Variants in USP26 observed in about 807,000 individuals in gnomAD.
The protein encoded by USP26 is ubiquitin specific peptidase 26.
For synonymous variants in USP26, 236 were observed against 240.6 expected (o/e 0.98, Z 0.18); for missense variants, 649 against 642.3 (o/e 1.01, Z -0.11).
At chrX:133,067,229 A>G (rs1408892698) in intron 5 of USP26, among the ~76,000 whole-genome samples, 3 of 112,663 alleles carry the variant, frequency 2.7e-5, no homozygotes, top group Non-Finnish European at 5.6e-5. Flanking sequence ...TAAACAACAG[A>G]TGCTGGCAAG....
At chrX:133,058,300 T>C (rs1158228343) in intron 5 of USP26, among the ~76,000 whole-genome samples, 1 of 111,089 alleles carries the variant, frequency 9.0e-6, no homozygotes, top group Non-Finnish European at 1.9e-5. Flanking sequence ...TTAGATCAAG[T>C]TGATTTATGG....
intron 5 of USP26, among the ~76,000 whole-genome samples, chrX:133,040,078 T>C (rs755013166): frequency 1.8e-5 from 2 of 111,840 alleles, no homozygotes; most frequent in Non-Finnish European, 3.8e-5. Flanking sequence ...TTCGAGCCTA[T>C]GTGTGTCTTT....
intron 5 of USP26, among the ~76,000 whole-genome samples, chrX:133,059,263 C>T (rs1264981932): frequency 9.0e-6 from 1 of 111,396 alleles, no homozygotes; most frequent in Admixed American, 9.6e-5. Flanking sequence ...TTGAGTCTCT[C>T]TCAATCATTT....
At chrX:133,061,704 G>A (rs2067494650) in intron 5 of USP26, among the ~76,000 whole-genome samples, 1 of 111,836 alleles carries the variant, frequency 8.9e-6, no homozygotes, top group African/African-American at 3.2e-5. Flanking sequence ...AGGAGCTGGG[G>A]GGCCTCCCTT....
chrX:133,063,140 T>C (rs766771473), intron 5 of USP26, among the ~76,000 whole-genome samples: 1 of 110,601 alleles, frequency 9.0e-6, no homozygotes, highest in Non-Finnish European at 1.9e-5. Flanking sequence ...AGATTGATGA[T>C]CGACTTACTG....
At chrX:133,044,432 T>C (rs971471217) in intron 5 of USP26, among the ~76,000 whole-genome samples, 11 of 112,741 alleles carry the variant, frequency 9.8e-5, no homozygotes, top group Non-Finnish European at 1.7e-4. Flanking sequence ...CCAGCTAGAG[T>C]TCCGGGTGGG....
chrX:133,090,929 A>C (rs1180546531), intron 2 of USP26, among the ~76,000 whole-genome samples, 166 bp from the exon 3 acceptor site: 1 of 112,454 alleles, frequency 8.9e-6, no homozygotes, highest in Admixed American at 9.5e-5. Flanking sequence ...CTTAGCATGC[A>C]AACCCCAAAT....
At position 133,025,996 on chromosome X, in the gene USP26, C is replaced by T. The variant is rs1650671888; in HGVS notation, c.2225G>A (p.Cys742Tyr). Reference protein sequence around the residue: ...FQKVSEQTQQCDGMRICEQAP... With the variant: ...FQKVSEQTQQYDGMRICEQAP... ...TTGTTCACAGATTCTCATACCGTCA[C>T]ACTGCTGAGTCTGTTCAGACACTTT... The change falls in exon 6 of 6, where the codon TGT (cysteine) becomes TAT (tyrosine). Residue 742 changes from cysteine (C) to tyrosine (Y), a missense_variant. Coordinates refer to ENST00000511190, the MANE Select transcript of USP26 (RefSeq NM_031907.3). The T allele has an allele frequency of 1.7e-6, 2 of 1,208,549 alleles. No individual in the cohort carries two copies. The highest frequency in any genetic ancestry group is 2.2e-6 in the Non-Finnish European group (2 of 894,300).
chrX:133,087,464 A>C (rs1470705623), intron 4 of USP26, among the ~76,000 whole-genome samples: 1 of 112,162 alleles, frequency 8.9e-6, no homozygotes, highest in African/African-American at 3.2e-5. Context: ...CATCTCTTCC[A>C]AAATCTGCAT....
intron 5 of USP26, among the ~76,000 whole-genome samples, chrX:133,062,580 G>T (rs769987958): frequency 1.6e-3 from 180 of 111,925 alleles, no homozygotes; most frequent in African/African-American, 5.5e-3. Context: ...AGCAATCTTT[G>T]CTATTCTGTA....
intron 5 of USP26, among the ~76,000 whole-genome samples, chrX:133,064,222 C>G (rs1018479207): frequency 7.1e-5 from 8 of 111,916 alleles, no homozygotes; most frequent in Non-Finnish European, 1.5e-4. Flanking sequence ...CACCCAGATT[C>G]ATAAAACAAG....
intron 5 of USP26, among the ~76,000 whole-genome samples, chrX:133,078,441 G>A (rs2067558390): frequency 8.9e-6 from 1 of 111,789 alleles, no homozygotes; most frequent in Non-Finnish European, 1.9e-5. Flanking sequence ...TGAAGGAGTA[G>A]AGGAAAATCA....
intron 5 of USP26, among the ~76,000 whole-genome samples, chrX:133,033,793 T>A (rs1485385381): frequency 1.8e-5 from 2 of 112,242 alleles, no homozygotes; most frequent in Non-Finnish European, 3.8e-5. Context: ...ACTATGGACA[T>A]TAACTATGGT....
intron 5 of USP26, among the ~76,000 whole-genome samples, chrX:133,043,911 A>G (rs1315721332): frequency 9.0e-6 from 1 of 111,412 alleles, no homozygotes; most frequent in Non-Finnish European, 1.9e-5. Flanking sequence ...CAAAACAAAA[A>G]ACTTCCAAAG....
Position 133,024,668 on chromosome X carries a change from G to A in USP26, c.*811C>T, listed in dbSNP as rs2067337454. The A allele has an allele frequency of 8.9e-6, 1 of 111,996 alleles. No individual in the cohort carries two copies. The allele number at this position is 111,996 out of a possible 1,213,427, so 9.2% of individuals were successfully genotyped here. Reference sequence around the variant, plus strand: ...GTTTGGCTTTTAATAAGTTCACAAAGGCAAGGCATACATTAATATGAAAAA... The same window carrying A: ...GTTTGGCTTTTAATAAGTTCACAAAAGCAAGGCATACATTAATATGAAAAA... On this transcript the variant is annotated 3_prime_UTR_variant, in exon 6 of 6. Coordinates refer to ENST00000511190, the MANE Select transcript of USP26 (RefSeq NM_031907.3).
Position 133,024,223 on chromosome X carries a change from T to C in USP26, c.*1256A>G, listed in dbSNP as rs779658189. ...AATTCTACAAGTCCACTTTAAAGCA[T>C]ATATTGCTTACTCATTGAAGAAACA... On this transcript the variant is annotated 3_prime_UTR_variant, in exon 6 of 6. Transcript: ENST00000511190. Among the ~76,000 whole-genome samples the C allele has an allele frequency of 9.2e-6, 1 of 109,084 alleles. No homozygotes were observed. The highest frequency in any genetic ancestry group is 1.9e-5 in the Non-Finnish European group (1 of 52,607). 94.7% of individuals were successfully genotyped at this position (109,084 alleles called of 115,157 possible). A position where few individuals can be genotyped will look rare whatever the true frequency, so the allele number is the denominator to read the frequency against.
rs1470906957 is a variant in USP26, at chrX:133,057,470, CA to C, written c.-77+26236del. On this transcript the variant is annotated intron_variant, in intron 5 of 5. Coordinates refer to ENST00000511190, the MANE Select transcript of USP26 (RefSeq NM_031907.3). ...TCTATTGTTTTCCTATTTTTAATTT[CA>C]GTGATTTCCCCTTTAATTCATATTG... is the stretch of plus-strand genomic sequence containing the variant. 3.6e-5 allele frequency among the ~76,000 whole-genome samples: 4 copies of C among 111,183 alleles called. No individual in the cohort carries two copies. The East Asian group carries it at 1.1e-3, about 31-fold the overall frequency.
chrX:133,048,835 T>C (rs1249051586), intron 5 of USP26, among the ~76,000 whole-genome samples: 1 of 112,047 alleles, frequency 8.9e-6, no homozygotes, highest in Non-Finnish European at 1.9e-5. Flanking sequence ...CGTGAGCCAC[T>C]GCGCCTGGCC....
intron 5 of USP26, among the ~76,000 whole-genome samples, chrX:133,055,100 TTGAA>T (rs1313384995): frequency 1.8e-5 from 2 of 112,248 alleles, no homozygotes; most frequent in Admixed American, 9.4e-5. Flanking sequence ...GATGAATACT[TTGAA>T]TGACAAAAAA....
Sources: allele counts gnomAD v4.1 joint callset (sites outside exome capture counted in the v4.1 genomes callset), GRCh38; gene constraint gnomAD v4.1.1; transcripts MANE v1.5; gene names NCBI Gene and HGNC (gene_info 2026-07-23, HGNC 2026-07-21).